TASP1: variants seen among roughly 807,000 people sequenced by gnomAD.
The protein encoded by TASP1 is threonine aspartase 1.
Under a neutral mutation model 56.6 loss-of-function variants are expected in TASP1, and 16 were observed. The ratio of observed to expected loss-of-function variants is 0.28; its 90% confidence interval spans 0.19 to 0.43. The LOEUF is 0.43. TASP1 is among the 20% of genes least tolerant of loss of function. TASP1 has a pLI of 1.00. For missense variants in TASP1, 393 were observed against 511.6 expected (o/e 0.77, Z 2.24); for synonymous variants, 179 against 184.2 (o/e 0.97, Z 0.23).
At chr20:13,523,390 C>T (rs537987073) in intron 10 of TASP1, among the ~76,000 whole-genome samples, 2 of 152,232 alleles carry the variant, frequency 1.3e-5, no homozygotes, top group African/African-American at 4.8e-5. Context: ...CAGTAGTCTC[C>T]CATTGGCTCC....
chr20:13,474,578 T>C (rs1600918331), intron 11 of TASP1, among the ~76,000 whole-genome samples: 1 of 152,242 alleles, frequency 6.6e-6, no homozygotes, highest in African/African-American at 2.4e-5. Flanking sequence ...CAATTATAAA[T>C]TGTGCTCCTA....
At chr20:13,571,054 T>G (rs2046695649) in intron 6 of TASP1, among the ~76,000 whole-genome samples, 1 of 152,196 alleles carries the variant, frequency 6.6e-6, no homozygotes, top group Admixed American at 6.5e-5. Context: ...TGAGGGGCAT[T>G]TTACAAAATA....
At chr20:13,460,956 T>C (rs942521303) in intron 11 of TASP1, among the ~76,000 whole-genome samples, 3 of 152,104 alleles carry the variant, frequency 2.0e-5, no homozygotes, top group African/African-American at 7.2e-5. Flanking sequence ...TCAAAACTCT[T>C]CAAGGCTCCC....
At chr20:13,166,199 A>C in the TASP1 span, 3 of 152,638 alleles carry the variant, frequency 2.0e-5, no homozygotes, top group Non-Finnish European at 4.4e-5. Context: ...CTGTAAACAA[A>C]TCACTTCAAG....
chr20:13,310,049 C>T, the TASP1 span, among the ~76,000 whole-genome samples: 2 of 152,064 alleles, frequency 1.3e-5, no homozygotes, highest in African/African-American at 2.4e-5. Flanking sequence ...CAATCCCTAA[C>T]AAAATTCTGA....
At chr20:13,460,717 TA>T (rs2044023197) in intron 11 of TASP1, among the ~76,000 whole-genome samples, 1 of 152,118 alleles carries the variant, frequency 6.6e-6, no homozygotes, top group Non-Finnish European at 1.5e-5. Context: ...CACCCTATAT[TA>T]ATTAATTAGC....
At chr20:13,540,236 A>C (rs987897413) in intron 8 of TASP1, among the ~76,000 whole-genome samples, 1 of 152,204 alleles carries the variant, frequency 6.6e-6, no homozygotes, top group African/African-American at 2.4e-5. Flanking sequence ...ACACATCTCA[A>C]GGACTTCAAA....
chr20:13,462,801 T>C (rs962613298), intron 11 of TASP1, among the ~76,000 whole-genome samples: 1 of 152,078 alleles, frequency 6.6e-6, no homozygotes, highest in South Asian at 2.1e-4. Context: ...ATAAAATACT[T>C]GTAAATAAAC....
chr20:13,157,273 C>CAAAA, the TASP1 span, among the ~76,000 whole-genome samples: 1 of 143,674 alleles, frequency 7.0e-6, no homozygotes, highest in African/African-American at 2.6e-5. Flanking sequence ...ACTAAAAGTA[C>CAAAA]AAAAAAAAAA....
At chr20:13,453,432 A>G (rs2146304584) in intron 11 of TASP1, among the ~76,000 whole-genome samples, 1 of 152,200 alleles carries the variant, frequency 6.6e-6, no homozygotes, top group South Asian at 2.1e-4. Context: ...TGTTTAATGG[A>G]ATTCCAATAT....
chr20:13,615,310 G>T (rs2048482969), intron 4 of TASP1, among the ~76,000 whole-genome samples: 1 of 152,168 alleles, frequency 6.6e-6, no homozygotes, highest in African/African-American at 2.4e-5. Context: ...TGGACCCTGA[G>T]TGAGAATGAC....
At chr20:13,115,528 C>T in the TASP1 span, among the ~76,000 whole-genome samples, 5 of 152,166 alleles carry the variant, frequency 3.3e-5, no homozygotes, top group Non-Finnish European at 7.3e-5. Context: ...CTATTTGTGG[C>T]ATGTCAGGTT....
chr20:13,124,958 C>T, the TASP1 span, among the ~76,000 whole-genome samples: 1 of 152,288 alleles, frequency 6.6e-6, no homozygotes, highest in East Asian at 1.9e-4. Context: ...AGACACCTGC[C>T]TAAGTGGGAT....
chr20:13,546,564 C>T (rs1250412777), intron 8 of TASP1, among the ~76,000 whole-genome samples: 2 of 148,454 alleles, frequency 1.3e-5, no homozygotes, highest in East Asian at 4.0e-4. Context: ...CCAAAATAAA[C>T]ATGTGCTACA....
At chr20:13,195,434 T>C in the TASP1 span, among the ~76,000 whole-genome samples, 1 of 152,172 alleles carries the variant, frequency 6.6e-6, no homozygotes, top group Non-Finnish European at 1.5e-5. Context: ...GGAATTAGCA[T>C]CCTTTTCCAT....
At position 13,431,311 on chromosome 20, in the gene TASP1, T is replaced by C. The variant is rs372103969; in HGVS notation, c.1096+3733A>G. 2.0e-5 allele frequency among the ~76,000 whole-genome samples: 3 copies of C among 152,304 alleles called. No homozygotes were observed. In the East Asian group the frequency reaches 5.8e-4, roughly 29 times the overall value. On this transcript the variant is annotated intron_variant, in intron 12 of 13. Transcript: ENST00000337743. The stretch of plus-strand genomic sequence containing the variant: ...TCCAAACACGAAGCAAATTAATTTA[T>C]AGCCTGATTTGGAGCAACTGATAGA...
chr20:13,270,189 C>T, the TASP1 span, among the ~76,000 whole-genome samples: 1 of 152,150 alleles, frequency 6.6e-6, no homozygotes, highest in South Asian at 2.1e-4. Context: ...TAATTTGGTT[C>T]CAGCTCTAAA....
chr20:13,525,036 C>T (rs933602290), intron 10 of TASP1, among the ~76,000 whole-genome samples: 1 of 152,108 alleles, frequency 6.6e-6, no homozygotes, highest in Non-Finnish European at 1.5e-5. Flanking sequence ...TCTATATTTT[C>T]CTGTAAAGCA....
At chr20:13,345,495 T>TG in the TASP1 span, among the ~76,000 whole-genome samples, 1 of 152,148 alleles carries the variant, frequency 6.6e-6, no homozygotes, top group Non-Finnish European at 1.5e-5. Flanking sequence ...CATGGGGGAC[T>TG]GGGGGGAAAT....
Sources: allele counts gnomAD v4.1 joint callset (sites outside exome capture counted in the v4.1 genomes callset), GRCh38; gene constraint gnomAD v4.1.1; transcripts MANE v1.5; gene names NCBI Gene and HGNC (gene_info 2026-07-23, HGNC 2026-07-21).